Variants in CNTNAP2 observed in about 807,000 individuals in gnomAD.
CNTNAP2 encodes the protein contactin-associated protein-like 2.
Under a neutral mutation model 155.2 loss-of-function variants are expected in CNTNAP2, and 98 were observed. The ratio of observed to expected loss-of-function variants is 0.63; its 90% CI spans 0.54 to 0.75. The LOEUF is 0.75. Among genes scored for constraint, CNTNAP2 ranks in the 30% least tolerant of loss-of-function variants. The probability of loss-of-function intolerance (pLI) is 0.00; values close to 1 mark genes in which losing one functional copy is unlikely to be tolerated. For missense variants in CNTNAP2, 1,727 were observed against 1,688.1 expected, an observed-to-expected ratio of 1.02 and a Z score of -0.40; for synonymous variants, 651 against 631.2, an observed-to-expected ratio of 1.03 and a Z score of -0.47.
chr7:147,646,740 T>C (rs1281026689), intron 13 of CNTNAP2, among the ~76,000 whole-genome samples: 2 of 152,046 alleles, frequency 1.3e-5, no homozygotes, highest in Non-Finnish European at 2.9e-5. Context: ...AGTAACACGT[T>C]GTGTGTGTGT....
intron 13 of CNTNAP2, among the ~76,000 whole-genome samples, chr7:147,818,566 G>A (rs554272927): frequency 6.6e-6 from 1 of 152,326 alleles, no homozygotes; most frequent in African/African-American, 2.4e-5. Context: ...TCTGTTGGGA[G>A]ATGCAGACAG....
intron 15 of CNTNAP2, among the ~76,000 whole-genome samples, chr7:148,095,320 A>T (rs1803941520): frequency 6.6e-6 from 1 of 152,212 alleles, no homozygotes; most frequent in African/African-American, 2.4e-5. Flanking sequence ...AGGAGCGAGG[A>T]TTCCTTGGCA....
At chr7:148,212,137 T>C (rs2116747943) in intron 18 of CNTNAP2, among the ~76,000 whole-genome samples, 1 of 134,168 alleles carries the variant, frequency 7.5e-6, no homozygotes, top group East Asian at 2.9e-4. Context: ...TTCTGTTTTT[T>C]GTGGGTTTTT....
chr7:146,425,721 G>T (rs1796077550), intron 1 of CNTNAP2, among the ~76,000 whole-genome samples: 1 of 152,150 alleles, frequency 6.6e-6, no homozygotes, highest in Admixed American at 6.5e-5. Flanking sequence ...GATAAGATGT[G>T]CCAGACTGTG....
intron 3 of CNTNAP2, among the ~76,000 whole-genome samples, chr7:147,008,641 A>G (rs1410342112): frequency 6.6e-6 from 1 of 152,168 alleles, no homozygotes; most frequent in South Asian, 2.1e-4. Flanking sequence ...GATTGGTTAC[A>G]ATGTAGGCTT....
chr7:147,903,426 G>C (rs1799907920), intron 13 of CNTNAP2, 139 bp from the exon 14 acceptor site: 3 of 922,448 alleles, frequency 3.3e-6, no homozygotes, highest in Non-Finnish European at 5.1e-6. Flanking sequence ...TGGGTTGTCT[G>C]TTTGAAATAA....
intron 12 of CNTNAP2, among the ~76,000 whole-genome samples, chr7:147,564,125 A>C (rs1037283589): frequency 1.3e-5 from 2 of 152,164 alleles, no homozygotes; most frequent in Admixed American, 6.6e-5. Flanking sequence ...AGTTGTGATC[A>C]CACTACTGCA....
At chr7:147,074,676 A>G (rs1275862122) in intron 4 of CNTNAP2, among the ~76,000 whole-genome samples, 1 of 152,170 alleles carries the variant, frequency 6.6e-6, no homozygotes, top group African/African-American at 2.4e-5. Context: ...AGGCCAAAAT[A>G]TACATCATAT....
chr7:146,934,890 T>A (rs1452970667), intron 3 of CNTNAP2, among the ~76,000 whole-genome samples: 1 of 152,200 alleles, frequency 6.6e-6, no homozygotes, highest in African/African-American at 2.4e-5. Flanking sequence ...ATGTAAACAG[T>A]GACCATGACC....
intron 11 of CNTNAP2, among the ~76,000 whole-genome samples, chr7:147,557,445 A>G (rs1219144037): frequency 2.6e-5 from 4 of 151,838 alleles, no homozygotes; most frequent in Non-Finnish European, 5.9e-5. Flanking sequence ...AAATAAATCA[A>G]TAGACTTGAT....
intron 3 of CNTNAP2, among the ~76,000 whole-genome samples, chr7:146,942,880 C>A (rs1360996431): frequency 5.3e-5 from 8 of 152,040 alleles, no homozygotes; most frequent in Admixed American, 4.6e-4. Context: ...ACTATTCCAC[C>A]TTTTATTATA....
intron 22 of CNTNAP2, among the ~76,000 whole-genome samples, chr7:148,404,092 C>A (rs536122924): frequency 6.6e-6 from 1 of 152,314 alleles, no homozygotes; most frequent in South Asian, 2.1e-4. Context: ...CAAAATTCTA[C>A]CTGCATAGAA....
chr7:147,139,072 T>G (rs1801547271), intron 8 of CNTNAP2, among the ~76,000 whole-genome samples: 1 of 152,006 alleles, frequency 6.6e-6, no homozygotes, highest in African/African-American at 2.4e-5. Flanking sequence ...AAATAATATA[T>G]GCATGTAGTT....
chr7:146,294,044 C>T (rs896167604), intron 1 of CNTNAP2, among the ~76,000 whole-genome samples: 2 of 152,102 alleles, frequency 1.3e-5, no homozygotes, highest in African/African-American at 4.8e-5. Context: ...AAAAAATCAA[C>T]CCCATAAGGA....
chr7:146,267,704 T>G (rs1800017718), intron 1 of CNTNAP2, among the ~76,000 whole-genome samples: 1 of 152,200 alleles, frequency 6.6e-6, no homozygotes, highest in Non-Finnish European at 1.5e-5. Context: ...GCCTTGAACT[T>G]GGACTTTCCA....
chr7:147,738,832 T>G (rs552145424), intron 13 of CNTNAP2, among the ~76,000 whole-genome samples: 3 of 152,104 alleles, frequency 2.0e-5, no homozygotes, highest in Admixed American at 2.0e-4. Context: ...TTTTTGTATT[T>G]TTAGTACAGA....
At chr7:146,646,934 A>C (rs1799821643) in intron 1 of CNTNAP2, among the ~76,000 whole-genome samples, 1 of 152,192 alleles carries the variant, frequency 6.6e-6, no homozygotes, top group Non-Finnish European at 1.5e-5. Flanking sequence ...ACAAATTATA[A>C]AGAAAATCCT....
intron 1 of CNTNAP2, among the ~76,000 whole-genome samples, chr7:146,211,640 A>T (rs189248677): frequency 1.3e-5 from 2 of 152,168 alleles, no homozygotes; most frequent in Non-Finnish European, 2.9e-5. Context: ...TTAGAGTTCC[A>T]TATAGGTTCT....
At chr7:148,163,441 G>A (rs933208566) in intron 17 of CNTNAP2, among the ~76,000 whole-genome samples, 4 of 152,210 alleles carry the variant, frequency 2.6e-5, no homozygotes, top group Middle Eastern at 3.4e-3. Flanking sequence ...AGACCACTTA[G>A]CTCCACCCCC....
Sources: allele counts gnomAD v4.1 joint callset (sites outside exome capture counted in the v4.1 genomes callset), GRCh38; gene constraint gnomAD v4.1.1; transcripts MANE v1.5; gene names NCBI Gene and HGNC (gene_info 2026-07-23, HGNC 2026-07-21).